LAMA2: variants seen among roughly 807,000 people sequenced by gnomAD.
LAMA2 encodes laminin subunit alpha 2, also known as laminin subunit alpha-2.
In LAMA2, 269 loss-of-function variants were observed where a neutral mutation model predicts 364.8. The ratio of observed to expected loss-of-function variants is 0.74; its 90% CI spans 0.67 to 0.82. The LOEUF (loss-of-function observed/expected upper bound fraction) is 0.82, where lower values mean the gene tolerates loss of function less well. LAMA2 is among the 40% of genes least tolerant of loss of function. LAMA2 has a pLI of 0.00. For synonymous variants in LAMA2, 1,379 were observed against 1,370.6 expected, an observed-to-expected ratio of 1.01 and a Z score of -0.14; for missense variants, 3,807 against 3,873.2, an observed-to-expected ratio of 0.98 and a Z score of 0.45.
intron 1 of LAMA2, among the ~76,000 whole-genome samples, chr6:128,921,284 C>G (rs1346632040): frequency 6.6e-6 from 1 of 152,054 alleles, no homozygotes; most frequent in East Asian, 1.9e-4. Context: ...AGATTTACTT[C>G]CAGAAGATGA....
chr6:129,246,477 G>A (rs2114261540), intron 12 of LAMA2, among the ~76,000 whole-genome samples: 1 of 152,232 alleles, frequency 6.6e-6, no homozygotes, highest in South Asian at 2.1e-4. Flanking sequence ...TGAGTTCACT[G>A]CAGCACCCTG....
chr6:129,451,494 C>T (rs1782673103), intron 45 of LAMA2, among the ~76,000 whole-genome samples: 1 of 152,184 alleles, frequency 6.6e-6, no homozygotes, highest in East Asian at 1.9e-4. Flanking sequence ...AGGCCTCCAG[C>T]AGTCACCCTC....
At chr6:129,418,990 G>A (rs1454887308) in intron 40 of LAMA2, among the ~76,000 whole-genome samples, 1 of 151,842 alleles carries the variant, frequency 6.6e-6, no homozygotes, top group Non-Finnish European at 1.5e-5. Context: ...CTCACATACT[G>A]GTCATTTTTC....
chr6:129,308,166 T>C (rs1773995611), intron 22 of LAMA2, among the ~76,000 whole-genome samples: 1 of 152,226 alleles, frequency 6.6e-6, no homozygotes, highest in African/African-American at 2.4e-5. Flanking sequence ...CTATTGTCAA[T>C]AGCATTATTA....
intron 17 of LAMA2, among the ~76,000 whole-genome samples, chr6:129,273,888 A>G (rs2114368832): frequency 6.6e-6 from 1 of 151,988 alleles, no homozygotes; most frequent in Admixed American, 6.6e-5. Context: ...TAAGCAATTA[A>G]TAATTATTAG....
At chr6:129,170,163 T>C (rs1780040326) in intron 9 of LAMA2, among the ~76,000 whole-genome samples, 1 of 150,008 alleles carries the variant, frequency 6.7e-6, no homozygotes, top group East Asian at 2.0e-4. Context: ...TCTATTTCCT[T>C]CAGTTCTGCT....
At chr6:129,023,717 G>A (rs1007355360) in intron 1 of LAMA2, among the ~76,000 whole-genome samples, 12 of 152,042 alleles carry the variant, frequency 7.9e-5, no homozygotes, top group Non-Finnish European at 1.5e-4. Context: ...TACATTGCTG[G>A]AACAGCACCT....
chr6:128,977,561 C>T (rs547813330), intron 1 of LAMA2, among the ~76,000 whole-genome samples: 2 of 152,098 alleles, frequency 1.3e-5, no homozygotes, highest in Non-Finnish European at 2.9e-5. Flanking sequence ...CTCACCCAAA[C>T]TTTTCTTTTT....
intron 29 of LAMA2, among the ~76,000 whole-genome samples, chr6:129,331,006 C>G (rs1201840171): frequency 6.6e-6 from 1 of 152,026 alleles, no homozygotes; most frequent in Admixed American, 6.6e-5. Flanking sequence ...GTAGCTGGAA[C>G]TACAGGTGCC....
At chr6:129,474,924 A>C (rs1033072696) in intron 52 of LAMA2, among the ~76,000 whole-genome samples, 1 of 152,190 alleles carries the variant, frequency 6.6e-6, no homozygotes, top group East Asian at 1.9e-4. Flanking sequence ...AAAGGAACCA[A>C]ACATTCATAG....
At chr6:129,290,036 T>C (rs544115996) in intron 19 of LAMA2, among the ~76,000 whole-genome samples, 10 of 152,266 alleles carry the variant, frequency 6.6e-5, no homozygotes, top group African/African-American at 2.2e-4. Flanking sequence ...CAAAGAAATA[T>C]ATTTTGCATT....
Position 129,475,375 on chromosome 6 carries a change from T to C in LAMA2, c.7440-15T>C. On this transcript the variant is annotated splice_polypyrimidine_tract_variant and intron_variant, in intron 52 of 64. Coordinates refer to ENST00000421865, the MANE Select transcript of LAMA2 (RefSeq NM_000426.4). ...TTTTATTTTTGTTTTTTTTTTCCTCTTTCCCGTTATCTAGTATGAAAGCAA... is the reference window on the plus strand; with the variant it reads ...TTTTATTTTTGTTTTTTTTTTCCTCCTTCCCGTTATCTAGTATGAAAGCAA... 1.4e-6 allele frequency: 2 copies of C among 1,459,976 alleles called. No individual in the cohort carries two copies. Among genetic ancestry groups the C allele is most frequent in the Non-Finnish European group, 1.9e-6 (2 of 1,055,732 alleles). 90.4% of individuals were successfully genotyped at this position (1,459,976 alleles called of 1,614,324 possible).
chr6:129,079,503 A>G (rs567938113), intron 3 of LAMA2, among the ~76,000 whole-genome samples: 167 of 150,934 alleles, frequency 1.1e-3, no homozygotes, highest in African/African-American at 3.8e-3. Context: ...CCCATCGGCC[A>G]TACACAAGGA....
At chr6:129,333,288 A>C (rs955551378) in intron 29 of LAMA2, among the ~76,000 whole-genome samples, 3 of 152,170 alleles carry the variant, frequency 2.0e-5, no homozygotes, top group African/African-American at 7.2e-5. Context: ...ATTGTCTCCC[A>C]AAATAATAAG....
chr6:129,475,349 T>C (rs1305904656), intron 52 of LAMA2, 41 bp from the exon 53 acceptor site: 4 of 1,186,224 alleles, frequency 3.4e-6, no homozygotes, highest in African/African-American at 1.5e-5. Context: ...AAGTAAATTG[T>C]TTTTATTTTT....
intron 10 of LAMA2, 126 bp downstream of exon 10, chr6:129,177,992 C>T (rs960630817): frequency 3.5e-5 from 34 of 963,584 alleles, no homozygotes; most frequent in African/African-American, 3.0e-4. Context: ...ATCTATTCTA[C>T]GTGTGGTGAC....
intron 12 of LAMA2, among the ~76,000 whole-genome samples, chr6:129,222,748 G>A (rs1297267885): frequency 3.9e-5 from 6 of 152,026 alleles, no homozygotes; most frequent in African/African-American, 1.2e-4. Flanking sequence ...ATCATTGATG[G>A]ACATTTGGGT....
intron 1 of LAMA2, among the ~76,000 whole-genome samples, chr6:128,990,971 A>G (rs1232510011): frequency 6.6e-6 from 1 of 152,192 alleles, no homozygotes; most frequent in Non-Finnish European, 1.5e-5. Flanking sequence ...TTAAATGATT[A>G]TAACGGGGGA....
intron 53 of LAMA2, among the ~76,000 whole-genome samples, chr6:129,476,667 G>A (rs1784080167): frequency 6.6e-6 from 1 of 152,128 alleles, no homozygotes; most frequent in South Asian, 2.1e-4. Context: ...AAAAAATGGT[G>A]ATAAGTCAGT....
Sources: allele counts gnomAD v4.1 joint callset (sites outside exome capture counted in the v4.1 genomes callset), GRCh38; gene constraint gnomAD v4.1.1; transcripts MANE v1.5; gene names NCBI Gene and HGNC (gene_info 2026-07-23, HGNC 2026-07-21).